The following MED25 variants were observed in gnomAD, a reference collection of about 807,000 sequenced individuals.
MED25 encodes the protein mediator of RNA polymerase II transcription subunit 25.
In MED25, 62 loss-of-function variants were observed where a neutral mutation model predicts 89.4. That is an observed-to-expected ratio of 0.69 (90% confidence interval 0.57 to 0.86). The LOEUF (loss-of-function observed/expected upper bound fraction) is 0.86. Ranked by LOEUF, MED25 falls within the 40% of genes least tolerant of loss-of-function variation. MED25 has a pLI of 0.00. For missense variants in MED25, 905 were observed against 1,005.2 expected (o/e 0.90, Z 1.35); for synonymous variants, 449 against 427.9 (o/e 1.05, Z -0.61).
In MED25 at chr19:49,829,639, T is replaced by G. The variant is rs910254562; in HGVS notation, c.526-147T>G. The G allele has an allele frequency of 6.0e-6, 5 of 835,052 alleles. No homozygotes were observed. In the South Asian group the frequency reaches 7.0e-5, roughly 12 times the overall value. 51.7% of individuals were successfully genotyped at this position (835,052 alleles called of 1,614,324 possible). A position where few individuals can be genotyped will look rare whatever the true frequency, so the allele number is the denominator to read the frequency against. ...CTCCCGGGGCAGGTGATACCTGGTT[T>G]CAGGGTCTCCTGCCTCAAAGCCCAA... is the stretch of plus-strand genomic sequence containing the variant. On this transcript the variant is annotated intron_variant, in intron 5 of 17. Coordinates refer to ENST00000312865, the MANE Select transcript of MED25 (RefSeq NM_030973.4). This position sits in a 1 kb window ranked among gnomAD's most constrained non-coding sequence, Gnocchi z 4.6.
chr19:49,834,717 G>C lies in MED25; in HGVS notation c.1483-269G>C. ...GCCCAAGAAACTGGGTCCATGAGGA[G>C]CAGGTGGTGGCTGAAGGTTGAAGAG... On this transcript the variant is annotated intron_variant, in intron 13 of 17. Coordinates refer to ENST00000312865, the MANE Select transcript of MED25 (RefSeq NM_030973.4). This position sits in a 1 kb window ranked among gnomAD's most constrained non-coding sequence, Gnocchi z 4.1. 1.9e-6 allele frequency: 1 copy of C among 536,454 alleles called. No individual in the cohort carries two copies. The highest frequency in any genetic ancestry group is 3.4e-6 in the Non-Finnish European group (1 of 296,416). The allele number at this position is 536,454 out of a possible 1,614,324, so 33.2% of individuals were successfully genotyped here.
Position 49,835,165 on chromosome 19 carries a change from G to C in MED25, c.1662G>C (p.Gln554His). 6.2e-7 allele frequency: 1 copy of C among 1,614,008 alleles called. No homozygotes were observed. The highest frequency in any genetic ancestry group is 2.2e-5 in the East Asian group (1 of 44,884). ...HKQVQQQKLE[Q>H]QQRGMGGQQA... is the part of the protein sequence containing the mutation. ...AGGTCCAGCAGCAGAAGCTGGAGCA[G>C]CAGCAGCGAGGAGTGAGTGTTGACA... Residue 554 changes from glutamine to histidine, a missense_variant, in exon 14 of 18, where the codon CAG becomes CAC. Around this residue, in one of 3 missense-constraint regions of MED25, gnomAD observed 133 missense variants for 220.2 expected, o/e 0.60. Transcript: ENST00000312865. This position sits in a 1 kb window ranked among gnomAD's most constrained non-coding sequence, Gnocchi z 6.2.
Position 49,830,272 on chromosome 19 carries a change from C to T in MED25, c.819+54C>T, listed in dbSNP as rs1342438321. 8 of 1,571,532 alleles carry T rather than the reference C, an allele frequency of 5.1e-6. No homozygotes were observed. ...TTCTGGGGACTTGCTGGAGCCCTGG[C>T]CCCTGGGGAGAAATCTAGTTGCATG... On this transcript the variant is annotated intron_variant, in intron 7 of 17. Coordinates refer to ENST00000312865, the MANE Select transcript of MED25 (RefSeq NM_030973.4). The surrounding 1 kb of genome is among the most constrained non-coding windows in gnomAD (Gnocchi z 4.6).
Position 49,828,986 on chromosome 19 carries a change from G to C in MED25, c.421G>C (p.Val141Leu), listed in dbSNP as rs1398290748. 1 of 1,614,108 alleles carries C rather than the reference G, an allele frequency of 6.2e-7. No homozygotes were observed. Among genetic ancestry groups the C allele is most frequent in the Non-Finnish European group, 8.5e-7 (1 of 1,180,026 alleles). The change falls in exon 5 of 18, where the codon GTC becomes CTC. Residue 141 changes from valine to leucine, a missense_variant. Physicochemically the swap from Val to Leu is conservative, Grantham distance 32. Coordinates refer to ENST00000312865, the MANE Select transcript of MED25 (RefSeq NM_030973.4). ...MREQIGQTHR[V>L]CLLICNSPPY... ...TCCTGGTAGTGGCCAGACGCACCGG[G>C]TCTGCCTCCTCATCTGCAACTCACC...
Position 49,829,000 on chromosome 19 carries a change from C to T in MED25, c.435C>T (p.Ile145=). 2 of 1,614,150 alleles carry T rather than the reference C, an allele frequency of 1.2e-6. No individual in the cohort carries two copies. Among genetic ancestry groups the T allele is most frequent in the South Asian group, 2.2e-5 (2 of 91,084 alleles). The change falls in exon 5 of 18, where the codon ATC becomes ATT. Residue 145 remains isoleucine, a synonymous_variant. Coordinates refer to ENST00000312865, the MANE Select transcript of MED25 (RefSeq NM_030973.4). Reference sequence around the variant, plus strand: ...AGACGCACCGGGTCTGCCTCCTCATCTGCAACTCACCCCCATACTTGTTGC... The same window carrying T: ...AGACGCACCGGGTCTGCCTCCTCATTTGCAACTCACCCCCATACTTGTTGC... The part of the protein sequence containing the change: ...IGQTHRVCLL[I]CNSPPYLLPA...
Position 49,836,157 on chromosome 19 carries a change from G to A in MED25, c.1966-69G>A. ...CACCACTAGCTGATTCCATCTCTGA[G>A]CAGTGTCTGTGTTGAGAGGTGGGGA... On this transcript the variant is annotated intron_variant, in intron 16 of 17. Transcript: ENST00000312865. The surrounding 1 kb of genome is among the most constrained non-coding windows in gnomAD (Gnocchi z 5.1). The A allele has an allele frequency of 1.3e-6, 2 of 1,559,626 alleles. No individual in the cohort carries two copies. The highest frequency in any genetic ancestry group is 1.8e-6 in the Non-Finnish European group (2 of 1,137,156).
intron 3 of MED25, chr19:49,819,505 T>G (rs1168182349): frequency 1.7e-6 from 1 of 593,014 alleles, no homozygotes; most frequent in East Asian, 3.1e-5. Flanking sequence ...TGGCTTGGGT[T>G]TGAGCTGCAG....
chr19:49,835,813 C>G lies in MED25; in HGVS notation c.1833C>G (p.Ala611=), dbSNP rs1282958352. 1 of 1,608,356 alleles carries G rather than the reference C, an allele frequency of 6.2e-7. No homozygotes were observed. Among genetic ancestry groups the G allele is most frequent in the Admixed American group, 1.7e-5 (1 of 59,958 alleles). Residue 611 remains alanine (A), a synonymous_variant, in exon 16 of 18, where the codon GCC becomes GCG. Coordinates refer to ENST00000312865, the MANE Select transcript of MED25 (RefSeq NM_030973.4). The surrounding 1 kb of genome is among the most constrained non-coding windows in gnomAD (Gnocchi z 6.2). ...ATGQPQPQGT[A]QPPPGAPQGP... ...GGCAGCCCCAGCCCCAAGGTACTGC[C>G]CAGCCCCCGCCAGGTGCCCCTCAAG...
At chr19:49,821,054 G>A (rs1334813275) in intron 3 of MED25, among the ~76,000 whole-genome samples, 1 of 152,244 alleles carries the variant, frequency 6.6e-6, no homozygotes, top group African/African-American at 2.4e-5. Context: ...GGACACAAGA[G>A]TGGCTTGGCT....
Position 49,836,321 on chromosome 19 carries a change from G to T in MED25, c.2061G>T (p.Gly687=), listed in dbSNP as rs751782742. The T allele has an allele frequency of 3.1e-6, 5 of 1,610,780 alleles. No individual in the cohort carries two copies. The East Asian group carries it at 8.9e-5, about 29-fold the overall frequency. The change falls in exon 17 of 18, where the codon GGG becomes GGT. Residue 687 remains glycine (G), a synonymous_variant. Coordinates refer to ENST00000312865, the MANE Select transcript of MED25 (RefSeq NM_030973.4). The surrounding 1 kb of genome is among the most constrained non-coding windows in gnomAD (Gnocchi z 5.1). The stretch of plus-strand genomic sequence containing the variant: ...TGCCTCCGCCGCACCAGGGCCTGGG[G>T]CAGCCCCAGTTGGGGCCCCCACTCC... The part of the protein sequence containing the change: ...ALLPPPHQGL[G]QPQLGPPLLH...
At chr19:49,827,291 C>G (rs1247987970) in intron 3 of MED25, among the ~76,000 whole-genome samples, 1 of 152,200 alleles carries the variant, frequency 6.6e-6, no homozygotes, top group African/African-American at 2.4e-5. Context: ...GACTGCAGAT[C>G]AGGCGGAGGA....
rs754670224 is a variant in MED25, at chr19:49,828,441, C to T, written c.306-8C>T. The T allele has an allele frequency of 1.9e-6, 3 of 1,609,070 alleles. No homozygotes were observed. Among genetic ancestry groups the T allele is most frequent in the African/African-American group, 1.3e-5 (1 of 74,934 alleles). On this transcript the variant is annotated splice_region_variant and splice_polypyrimidine_tract_variant and intron_variant, in intron 3 of 17. Coordinates refer to ENST00000312865, the MANE Select transcript of MED25 (RefSeq NM_030973.4). ...CAACCCTGGGGGCTGACCGCTCTGC[C>T]CCTGCAGGTTCATGGGCGGGGGTGG...
intron 3 of MED25, chr19:49,819,715 C>T (rs1568618610): frequency 3.0e-6 from 1 of 336,736 alleles, no homozygotes; most frequent in Non-Finnish European, 5.8e-6. Context: ...CCTTTCTGTC[C>T]TCTCTTTTTC....
At position 49,836,834 on chromosome 19, in the gene MED25, C is replaced by T. The variant is rs371599233; in HGVS notation, c.2147-13C>T. On this transcript the variant is annotated splice_polypyrimidine_tract_variant and intron_variant, in intron 17 of 17. Coordinates refer to ENST00000312865, the MANE Select transcript of MED25 (RefSeq NM_030973.4). This position sits in a 1 kb window ranked among gnomAD's most constrained non-coding sequence, Gnocchi z 5.1. ...CTACTGGGAGATGCAGTCCCTTCCC[C>T]ACTGCCCCTCAGGTCAGATGCTGCT... The T allele has an allele frequency of 1.9e-6, 3 of 1,601,578 alleles. No homozygotes were observed. Among genetic ancestry groups the T allele is most frequent in the Non-Finnish European group, 2.6e-6 (3 of 1,171,052 alleles).
At position 49,831,812 on chromosome 19, in the gene MED25, G is replaced by T; in HGVS notation, c.1231-124G>T. The T allele has an allele frequency of 1.1e-6, 1 of 892,402 alleles. No individual in the cohort carries two copies. Among genetic ancestry groups the T allele is most frequent in the Non-Finnish European group, 1.8e-6 (1 of 541,034 alleles). 55.3% of individuals were successfully genotyped at this position (892,402 alleles called of 1,614,324 possible). The stretch of plus-strand genomic sequence containing the variant: ...GCTTGCTGGTCTGGAGGAGGGGCCT[G>T]GGGCTCATGGGACTTAAACTGGGGA... On this transcript the variant is annotated intron_variant, in intron 10 of 17. Transcript: ENST00000312865. The surrounding 1 kb of genome is among the most constrained non-coding windows in gnomAD (Gnocchi z 5.0).
chr19:49,839,012 G>C (rs753295073), downstream of MED25: 11 of 337,724 alleles, frequency 3.3e-5, no homozygotes, highest in South Asian at 2.5e-4. Context: ...ACGGGCATTT[G>C]CGTTGCACAG....
Position 49,832,294 on chromosome 19 carries a change from T to G in MED25, c.1375-14T>G. On this transcript the variant is annotated splice_polypyrimidine_tract_variant and intron_variant, in intron 12 of 17. Transcript: ENST00000312865. ...CCACACCAGCATGCCAGCCGACTTC[T>G]GTGTCTCCCGCAGACCACCCTGGGC... 1 of 1,584,194 alleles carries G rather than the reference T, an allele frequency of 6.3e-7. No individual in the cohort carries two copies. Among genetic ancestry groups the G allele is most frequent in the Non-Finnish European group, 8.6e-7 (1 of 1,158,250 alleles).
Position 49,830,935 on chromosome 19 carries a change from ACAG to A in MED25, c.1101+50_1101+52del. On this transcript the variant is annotated intron_variant, in intron 9 of 17. Coordinates refer to ENST00000312865, the MANE Select transcript of MED25 (RefSeq NM_030973.4). This position sits in a 1 kb window ranked among gnomAD's most constrained non-coding sequence, Gnocchi z 4.6. Reference sequence around the variant, plus strand: ...CCCCTGCTCCTTCCTCCTGCTGTCCACAGCTAGGACAGTTAGAGGATGAGTCAT... The same window carrying A: ...CCCCTGCTCCTTCCTCCTGCTGTCCACTAGGACAGTTAGAGGATGAGTCAT... The A allele has an allele frequency of 6.5e-7, 1 of 1,539,456 alleles. No individual in the cohort carries two copies. The highest frequency in any genetic ancestry group is 8.9e-7 in the Non-Finnish European group (1 of 1,126,984).
chr19:49,835,087 C>T lies in MED25; in HGVS notation c.1584C>T (p.Tyr528=), dbSNP rs776192919. The T allele has an allele frequency of 8.1e-6, 13 of 1,614,118 alleles. No homozygotes were observed. The highest frequency in any genetic ancestry group is 4.5e-5 in the East Asian group (2 of 44,868). The stretch of plus-strand genomic sequence containing the variant: ...AGATCTTCATGGGCCTCATCCCCTA[C>T]GACCAGAGCGGCTTCGTCAACGGCA... The part of the protein sequence containing the change: ...KKKIFMGLIP[Y]DQSGFVNGIR... Residue 528 remains tyrosine (Y), a synonymous_variant, in exon 14 of 18, where the codon TAC becomes TAT. Transcript: ENST00000312865. This position sits in a 1 kb window ranked among gnomAD's most constrained non-coding sequence, Gnocchi z 6.2.
Sources: allele counts gnomAD v4.1 joint callset (sites outside exome capture counted in the v4.1 genomes callset), GRCh38; gene constraint gnomAD v4.1.1; regional missense constraint gnomAD v4.1.1; non-coding constraint Gnocchi (gnomAD v3.1); transcripts MANE v1.5; gene names NCBI Gene and HGNC (gene_info 2026-07-23, HGNC 2026-07-21).